Variants in DNAH12 observed in about 807,000 individuals in gnomAD.
DNAH12 encodes dynein axonemal heavy chain 12, also known as axonemal beta dynein heavy chain 12.
DNAH12 carries 285 observed loss-of-function variants against 371.5 expected under a neutral mutation model. The ratio of observed to expected loss-of-function variants is 0.77; its 90% CI spans 0.70 to 0.85. DNAH12 has a LOEUF of 0.85. DNAH12 is among the 40% of genes least tolerant of loss of function. The pLI, the probability that DNAH12 is intolerant of heterozygous loss-of-function variation, is 0.00. For missense variants in DNAH12, 3,611 were observed against 3,689.4 expected, an observed-to-expected ratio of 0.98 and a Z score of 0.55; for synonymous variants, 1,200 against 1,213.0, an observed-to-expected ratio of 0.99 and a Z score of 0.22.
chr3:57,534,968 T>C (rs903016664), intron 2 of DNAH12, among the ~76,000 whole-genome samples: 1 of 152,236 alleles, frequency 6.6e-6, no homozygotes, highest in Admixed American at 6.5e-5. Flanking sequence ...TTATTATGAG[T>C]TTATTATGTT....
At chr3:57,360,638 G>A (rs2062904907) in intron 58 of DNAH12, among the ~76,000 whole-genome samples, 1 of 152,094 alleles carries the variant, frequency 6.6e-6, no homozygotes, top group Non-Finnish European at 1.5e-5. Context: ...AATGAGCCAA[G>A]ATGGTGCCAT....
intron 55 of DNAH12, among the ~76,000 whole-genome samples, chr3:57,369,524 C>A (rs1200030165): frequency 1.3e-5 from 2 of 151,592 alleles, no homozygotes; most frequent in Non-Finnish European, 2.9e-5. Flanking sequence ...TAGTTTCTTT[C>A]TTTCCCCAAA....
intron 11 of DNAH12, chr3:57,493,635 C>T (rs1415384835): frequency 2.6e-5 from 4 of 152,062 alleles, no homozygotes; most frequent in African/African-American, 9.7e-5. Flanking sequence ...AACACATAGT[C>T]GTCTCAATAG....
chr3:57,479,958 A>C lies in DNAH12; in HGVS notation c.1650+3418T>G, dbSNP rs145460034. 1.9e-3 allele frequency among the ~76,000 whole-genome samples: 292 copies of C among 152,360 alleles called. 1 individual carries two copies. The highest frequency in any genetic ancestry group is 6.8e-3 in the African/African-American group (284 of 41,596). ...AAATTTATAGCACTAAATGCCCACA[A>C]GAGAAAGCAGGAAAGGTCCAAAATT... is the stretch of plus-strand genomic sequence containing the variant. On this transcript the variant is annotated intron_variant, in intron 13 of 73. Transcript: ENST00000495027.
chr3:57,294,953 AAGTT>A (rs774460380), intron 73 of DNAH12, among the ~76,000 whole-genome samples: 43 of 152,218 alleles, frequency 2.8e-4, no homozygotes, highest in Non-Finnish European at 5.4e-4. Context: ...AAGAATTAAA[AAGTT>A]AGGGAAGAGA....
intron 15 of DNAH12, among the ~76,000 whole-genome samples, chr3:57,471,208 G>A (rs2153380508): frequency 6.6e-6 from 1 of 151,846 alleles, no homozygotes. Context: ...CAAAAAATTA[G>A]CCGGGCATGG....
At chr3:57,336,252 A>G (rs1244772739) in intron 60 of DNAH12, among the ~76,000 whole-genome samples, 3 of 152,252 alleles carry the variant, frequency 2.0e-5, no homozygotes, top group African/African-American at 7.2e-5. Flanking sequence ...TTACCAATAT[A>G]AAATTCACAG....
chr3:57,459,243 C>G (rs981366278), intron 20 of DNAH12, among the ~76,000 whole-genome samples: 8 of 152,128 alleles, frequency 5.3e-5, no homozygotes, highest in Non-Finnish European at 1.0e-4. Context: ...ACTATTCATT[C>G]TCTCTCCCTC....
intron 2 of DNAH12, chr3:57,536,470 A>G (rs2069051192): frequency 6.6e-6 from 1 of 152,172 alleles, no homozygotes; most frequent in South Asian, 2.1e-4. Flanking sequence ...GTATCCTAAA[A>G]CTGAATTAGC....
In DNAH12 at chr3:57,468,719, AT is replaced by A. The variant is rs2066275721; in HGVS notation, c.2349+16del. 7.7e-7 allele frequency: 1 copy of A among 1,303,956 alleles called. No homozygotes were observed. Among genetic ancestry groups the A allele is most frequent in the African/African-American group, 1.6e-5 (1 of 64,152 alleles). The allele number at this position is 1,303,956 out of a possible 1,614,324, so 80.8% of individuals were successfully genotyped here. ...AAGATAGCTATAATATTAAAATGTT[AT>A]TATATATATTTATACCTTAAAAGCT... On this transcript the variant is annotated intron_variant, in intron 17 of 73. Transcript: ENST00000495027.
At chr3:57,361,426 T>C (rs1559587852) in intron 58 of DNAH12, among the ~76,000 whole-genome samples, 1 of 132,886 alleles carries the variant, frequency 7.5e-6, no homozygotes, top group Admixed American at 7.8e-5. Flanking sequence ...ACACACTATA[T>C]ATATATACAC....
chr3:57,330,891 AAATC>A (rs925075018), intron 62 of DNAH12, among the ~76,000 whole-genome samples: 3 of 152,034 alleles, frequency 2.0e-5, no homozygotes, highest in Admixed American at 6.6e-5. Context: ...TCCTTTCAGA[AAATC>A]AATCAATCAA....
chr3:57,447,934 C>T (rs1559671003), intron 25 of DNAH12, among the ~76,000 whole-genome samples: 1 of 152,180 alleles, frequency 6.6e-6, no homozygotes, highest in African/African-American at 2.4e-5. Context: ...CTTAGTCTCC[C>T]AAAGTCCTGG....
intron 11 of DNAH12, among the ~76,000 whole-genome samples, chr3:57,498,861 T>C (rs2067406920): frequency 6.6e-6 from 1 of 151,916 alleles, no homozygotes; most frequent in African/African-American, 2.4e-5. Context: ...TAGCTGGCCA[T>C]GGTGATGGGT....
chr3:57,310,823 AAGTC>A lies in DNAH12; in HGVS notation c.10786_10789del (p.Asp3596PhefsTer6). Reference sequence around the variant, plus strand: ...GTTTTCAACTATGTACAGATTATAAAAGTCAGCCAGCATGGTTAATAGAAGACGT... The same window carrying A: ...GTTTTCAACTATGTACAGATTATAAAAGCCAGCATGGTTAATAGAAGACGT... On this transcript the variant is annotated frameshift_variant, in exon 67 of 74. Transcript: ENST00000495027. LOFTEE classifies it high-confidence loss of function. 1.3e-6 allele frequency: 2 copies of A among 1,551,624 alleles called. No individual in the cohort carries two copies. The highest frequency in any genetic ancestry group is 1.2e-5 in the South Asian group (1 of 84,054).
chr3:57,433,736 C>G lies in DNAH12; in HGVS notation c.4748G>C (p.Gly1583Ala), dbSNP rs1419897765. The part of the protein sequence containing the change: ...TLTLMNEHGY[G>A]EEEKVIYRTV... Reference sequence around the variant, plus strand: ...TCTATAAATGACCTTTTCTTCCTCTCCATAGCCATGTTCATTCATTAAAGT... The same window carrying G: ...TCTATAAATGACCTTTTCTTCCTCTGCATAGCCATGTTCATTCATTAAAGT... Residue 1583 changes from glycine to alanine, a missense_variant, in exon 31 of 74, where the codon GGA becomes GCA. Transcript: ENST00000495027. 1.3e-6 allele frequency: 2 copies of G among 1,551,386 alleles called. No homozygotes were observed. Among genetic ancestry groups the G allele is most frequent in the Non-Finnish European group, 1.7e-6 (2 of 1,146,914 alleles).
intron 55 of DNAH12, among the ~76,000 whole-genome samples, chr3:57,372,411 G>A (rs915521683): frequency 1.3e-5 from 2 of 152,006 alleles, no homozygotes; most frequent in African/African-American, 4.8e-5. Flanking sequence ...GAAATTAAGA[G>A]TTCCCAAAAT....
chr3:57,394,659 T>C (rs1165693586), intron 43 of DNAH12, among the ~76,000 whole-genome samples: 1 of 152,178 alleles, frequency 6.6e-6, no homozygotes, highest in Non-Finnish European at 1.5e-5. Context: ...AGATGGAATA[T>C]ATAAAGGCCA....
chr3:57,484,008 A>G (rs2066845955), intron 12 of DNAH12, among the ~76,000 whole-genome samples: 1 of 151,656 alleles, frequency 6.6e-6, no homozygotes, highest in African/African-American at 2.4e-5. Flanking sequence ...CTATACATCA[A>G]CAAAACCTAC....
Sources: gnomAD v4.1 joint callset for allele counts (sites outside exome capture counted in the v4.1 genomes callset) on GRCh38, gnomAD v4.1.1 for gene constraint, MANE v1.5 for transcripts, NCBI Gene and HGNC (gene_info 2026-07-23, HGNC 2026-07-21) for gene names.